Variants in CALCR observed in about 807,000 individuals in gnomAD.
The protein encoded by CALCR is calcitonin receptor.
CALCR carries 47 observed loss-of-function variants against 59.5 expected under a neutral mutation model. That is an observed-to-expected ratio of 0.79 (90% CI 0.63 to 1.01). CALCR has a LOEUF of 1.01. Ranked by LOEUF, CALCR falls within the 50% of genes least tolerant of loss-of-function variation. The pLI, the probability that CALCR is intolerant of heterozygous loss-of-function variation, is 0.00. For missense variants in CALCR, 566 were observed against 597.1 expected (o/e 0.95, Z 0.54); for synonymous variants, 213 against 211.3 (o/e 1.01, Z -0.07).
intron 2 of CALCR, among the ~76,000 whole-genome samples, chr7:93,512,553 C>T (rs761875229): frequency 5.3e-5 from 8 of 152,188 alleles, no homozygotes; most frequent in Middle Eastern, 3.4e-3. Context: ...GTAAAGTTTA[C>T]GTGGAATCAG....
At chr7:93,540,975 A>G (rs1461059373) in intron 2 of CALCR, among the ~76,000 whole-genome samples, 1 of 152,048 alleles carries the variant, frequency 6.6e-6, no homozygotes, top group Non-Finnish European at 1.5e-5. Context: ...ATTAAGAAAA[A>G]TGACAAATGA....
intron 8 of CALCR, among the ~76,000 whole-genome samples, chr7:93,446,685 T>C (rs1375567463): frequency 6.6e-6 from 1 of 151,936 alleles, no homozygotes; most frequent in Non-Finnish European, 1.5e-5. Context: ...TTGATTAGGG[T>C]TAGTCCTTAC....
chr7:93,499,190 G>C (rs2115993283), intron 2 of CALCR, among the ~76,000 whole-genome samples: 1 of 151,694 alleles, frequency 6.6e-6, no homozygotes, highest in Admixed American at 6.6e-5. Context: ...GATAAATATT[G>C]ACTCTACTTG....
At chr7:93,533,017 C>T (rs1343675386) in intron 2 of CALCR, among the ~76,000 whole-genome samples, 1 of 151,806 alleles carries the variant, frequency 6.6e-6, no homozygotes, top group Admixed American at 6.6e-5. Context: ...TAAAAATAAC[C>T]TGAAGACTAA....
chr7:93,461,003 G>GA, intron 7 of CALCR, 56 bp from the exon 8 acceptor site: 5 of 1,423,698 alleles, frequency 3.5e-6, no homozygotes, highest in Non-Finnish European at 4.7e-6. Flanking sequence ...GGAGTACCTG[G>GA]AAAAAAACAT....
chr7:93,538,996 T>C (rs1360467662), intron 2 of CALCR, among the ~76,000 whole-genome samples: 1 of 152,138 alleles, frequency 6.6e-6, no homozygotes, highest in Non-Finnish European at 1.5e-5. Context: ...AATTCCACTC[T>C]ATTCTTCTTC....
chr7:93,435,512 T>C (rs1183750200), intron 12 of CALCR, among the ~76,000 whole-genome samples: 1 of 152,116 alleles, frequency 6.6e-6, no homozygotes, highest in Non-Finnish European at 1.5e-5. Context: ...TTAAATGTTA[T>C]GACATTGAAG....
chr7:93,477,067 G>T (rs1800681124), intron 5 of CALCR, among the ~76,000 whole-genome samples: 1 of 151,860 alleles, frequency 6.6e-6, no homozygotes. Flanking sequence ...TTCAGGGGTA[G>T]ACTCATTTTT....
At chr7:93,435,881 G>A (rs1799766184) in intron 12 of CALCR, 71 bp downstream of exon 12, 1 of 614,966 alleles carries the variant, frequency 1.6e-6, no homozygotes, top group Non-Finnish European at 2.9e-6. Flanking sequence ...AAAAGATCAT[G>A]GGCTTTAGAG....
rs141589122 is a variant in CALCR, at chr7:93,439,584, G to C, written c.803-1314C>G. ...CTTCTAGCTATGATGCCTCCTTTTA[G>C]GTAGTTTGCTTTTTCTGTTTTTTTT... is the stretch of plus-strand genomic sequence containing the variant. On this transcript the variant is annotated intron_variant, in intron 9 of 13. Coordinates refer to ENST00000426151, the MANE Select transcript of CALCR (RefSeq NM_001742.4). 4.5e-3 allele frequency among the ~76,000 whole-genome samples: 684 copies of C among 151,962 alleles called. 5 individuals are homozygous for C. The highest frequency in any genetic ancestry group is 0.015 in the African/African-American group (637 of 41,490).
chr7:93,528,306 C>G (rs1788731174), intron 2 of CALCR, among the ~76,000 whole-genome samples: 1 of 152,142 alleles, frequency 6.6e-6, no homozygotes. Context: ...ACTTTAAATT[C>G]TAGGGTACAT....
intron 2 of CALCR, among the ~76,000 whole-genome samples, chr7:93,513,584 G>A (rs7808583): frequency 0.4 from 61,035 of 151,766 alleles, 13,212 homozygotes; most frequent in African/African-American, 0.56. Flanking sequence ...AGATGGCATC[G>A]TGGAATGAGT....
At chr7:93,467,470 T>C (rs562711974) in intron 7 of CALCR, among the ~76,000 whole-genome samples, 1 of 151,788 alleles carries the variant, frequency 6.6e-6, no homozygotes, top group African/African-American at 2.4e-5. Flanking sequence ...TAAGGATGTA[T>C]TTACAGGTGA....
At chr7:93,454,188 T>G (rs1431468403) in intron 8 of CALCR, among the ~76,000 whole-genome samples, 1 of 152,012 alleles carries the variant, frequency 6.6e-6, no homozygotes, top group Admixed American at 6.6e-5. Flanking sequence ...GAGTCCAGTT[T>G]CCACCCTGGG....
At chr7:93,537,727 CACAT>C (rs747181314) in intron 2 of CALCR, among the ~76,000 whole-genome samples, 17 of 151,686 alleles carry the variant, frequency 1.1e-4, no homozygotes, top group South Asian at 1.0e-3. Context: ...CACACACACA[CACAT>C]ACATACATAC....
intron 8 of CALCR, among the ~76,000 whole-genome samples, chr7:93,449,464 A>G (rs1009626206): frequency 1.1e-4 from 16 of 152,008 alleles, no homozygotes; most frequent in African/African-American, 3.1e-4. Context: ...TTGCTGTTAA[A>G]TATGTTTCTA....
At chr7:93,571,222 T>C (rs1789996610) in intron 2 of CALCR, among the ~76,000 whole-genome samples, 1 of 152,166 alleles carries the variant, frequency 6.6e-6, no homozygotes. Context: ...CAAGAAATGA[T>C]GCTTTTAATT....
chr7:93,542,942 A>G (rs1789182836), intron 2 of CALCR, among the ~76,000 whole-genome samples: 1 of 146,250 alleles, frequency 6.8e-6, no homozygotes, highest in South Asian at 2.3e-4. Context: ...CCTGCCTGAG[A>G]TGGTTTTGCA....
chr7:93,530,059 A>T (rs1788792034), intron 2 of CALCR, among the ~76,000 whole-genome samples: 2 of 152,122 alleles, frequency 1.3e-5, no homozygotes, highest in African/African-American at 4.8e-5. Flanking sequence ...ATATACTAAA[A>T]GGTATTTTGA....
Sources: gnomAD v4.1 joint callset for allele counts (sites outside exome capture counted in the v4.1 genomes callset) on GRCh38, gnomAD v4.1.1 for gene constraint, MANE v1.5 for transcripts, NCBI Gene and HGNC (gene_info 2026-07-23, HGNC 2026-07-21) for gene names.